The following NEGR1 variants were observed in gnomAD, a reference collection of about 807,000 sequenced individuals.
The protein encoded by NEGR1 is neuronal growth regulator 1.
A neutral mutation model predicts 40.9 loss-of-function variants in NEGR1; 10 were observed. That is an observed-to-expected ratio of 0.24 (90% CI 0.15 to 0.42). NEGR1 has a LOEUF of 0.42. Ranked by LOEUF, NEGR1 falls within the 10% of genes least tolerant of loss-of-function variation. NEGR1 has a pLI of 1.00. For synonymous variants in NEGR1, 185 were observed against 166.8 expected, an observed-to-expected ratio of 1.11 and a Z score of -0.84; for missense variants, 352 against 438.9, an observed-to-expected ratio of 0.80 and a Z score of 1.77.
chr1:71,879,583 A>C (rs548834053), intron 2 of NEGR1, among the ~76,000 whole-genome samples: 22 of 152,312 alleles, frequency 1.4e-4, no homozygotes, highest in South Asian at 6.2e-4. Flanking sequence ...AACTCCCTTG[A>C]TCAAGAGTTT....
intron 6 of NEGR1, among the ~76,000 whole-genome samples, chr1:71,528,253 G>T (rs2101440096): frequency 6.6e-6 from 1 of 151,354 alleles, no homozygotes; most frequent in East Asian, 2.0e-4. Flanking sequence ...AATCCATGAA[G>T]ATTCTGTTCA....
At chr1:71,995,353 G>C (rs1019590395) in intron 1 of NEGR1, among the ~76,000 whole-genome samples, 1 of 151,926 alleles carries the variant, frequency 6.6e-6, no homozygotes, top group Non-Finnish European at 1.5e-5. Flanking sequence ...ATGAAAAAAC[G>C]GTTCTATGTA....
chr1:71,896,749 A>C (rs559260279), intron 2 of NEGR1, among the ~76,000 whole-genome samples: 3 of 152,192 alleles, frequency 2.0e-5, no homozygotes, highest in South Asian at 4.1e-4. Context: ...GTCTGATTTT[A>C]ATTTATTTTT....
intron 6 of NEGR1, among the ~76,000 whole-genome samples, chr1:71,534,434 C>A (rs1647451935): frequency 6.6e-6 from 1 of 151,632 alleles, no homozygotes; most frequent in African/African-American, 2.4e-5. Flanking sequence ...CTGTTCTGGG[C>A]CATGGATCAT....
At chr1:71,515,734 T>C (rs1263811543) in intron 6 of NEGR1, among the ~76,000 whole-genome samples, 2 of 138,576 alleles carry the variant, frequency 1.4e-5, no homozygotes, top group Non-Finnish European at 1.5e-5. Context: ...ATATTAACTT[T>C]AAATGTAAGT....
intron 1 of NEGR1, among the ~76,000 whole-genome samples, chr1:72,246,718 G>T (rs568121863): frequency 1.3e-5 from 2 of 152,268 alleles, no homozygotes; most frequent in East Asian, 3.9e-4. Context: ...CATTCCTACA[G>T]CTCCACTAGG....
chr1:72,215,155 T>C (rs1414221757), intron 1 of NEGR1, among the ~76,000 whole-genome samples: 3 of 152,078 alleles, frequency 2.0e-5, no homozygotes, highest in African/African-American at 7.2e-5. Context: ...GAAAACTGGC[T>C]AGCCATATGC....
chr1:71,941,203 C>G (rs1433313888), intron 1 of NEGR1, among the ~76,000 whole-genome samples: 2 of 152,026 alleles, frequency 1.3e-5, no homozygotes, highest in Admixed American at 6.6e-5. Context: ...TTCAGAACCC[C>G]ATAAAATCTC....
chr1:71,775,183 T>C (rs1051440182), intron 3 of NEGR1, among the ~76,000 whole-genome samples: 1 of 152,160 alleles, frequency 6.6e-6, no homozygotes, highest in East Asian at 1.9e-4. Context: ...ATCAAATAAA[T>C]CTCTTACATA....
chr1:72,229,326 A>G (rs1654284140), intron 1 of NEGR1, among the ~76,000 whole-genome samples: 1 of 149,198 alleles, frequency 6.7e-6, no homozygotes, highest in African/African-American at 2.4e-5. Flanking sequence ...TACAAATTAT[A>G]TTATATTAAA....
At chr1:71,996,018 A>G (rs959536350) in intron 1 of NEGR1, among the ~76,000 whole-genome samples, 1 of 152,158 alleles carries the variant, frequency 6.6e-6, no homozygotes, top group Non-Finnish European at 1.5e-5. Flanking sequence ...CTGAAATTAC[A>G]AAAAGAGGAA....
chr1:71,619,322 C>T (rs1403191008), intron 4 of NEGR1, among the ~76,000 whole-genome samples: 4 of 152,094 alleles, frequency 2.6e-5, no homozygotes, highest in Non-Finnish European at 5.9e-5. Context: ...TACTACTACA[C>T]TCCCTCCATT....
rs555507991 is a variant in NEGR1 at position 71,666,044 on chromosome 1, C to T, written c.667+31964G>A. ...ACAGCCTCTACCTTCAAGAAGTTAACGGTTTAGTCAACTGTCTCATTCCAT... is the reference window on the plus strand; with the variant it reads ...ACAGCCTCTACCTTCAAGAAGTTAATGGTTTAGTCAACTGTCTCATTCCAT... On this transcript the variant is annotated intron_variant, in intron 4 of 6. Transcript: ENST00000357731. Among the ~76,000 whole-genome samples the T allele has an allele frequency of 7.9e-5, 12 of 152,260 alleles. No individual in the cohort carries two copies. The South Asian group carries it at 1.0e-3, about 13-fold the overall frequency.
chr1:71,960,036 C>G (rs1272665905), intron 1 of NEGR1, among the ~76,000 whole-genome samples: 1 of 152,080 alleles, frequency 6.6e-6, no homozygotes, highest in Non-Finnish European at 1.5e-5. Context: ...TCCCTTAGCT[C>G]TCAAATTAAA....
intron 1 of NEGR1, among the ~76,000 whole-genome samples, chr1:72,108,620 T>C (rs1300716047): frequency 1.3e-5 from 2 of 151,642 alleles, no homozygotes; most frequent in East Asian, 1.9e-4. Flanking sequence ...TTTAGAGAAG[T>C]TGCTTTACAG....
At chr1:71,491,656 C>T (rs1049904444) in intron 6 of NEGR1, among the ~76,000 whole-genome samples, 1 of 151,704 alleles carries the variant, frequency 6.6e-6, no homozygotes, top group Non-Finnish European at 1.5e-5. Flanking sequence ...GAATGTCATC[C>T]AACCTTACCG....
intron 1 of NEGR1, among the ~76,000 whole-genome samples, chr1:72,257,188 G>A (rs1253018200): frequency 1.3e-5 from 2 of 151,028 alleles, no homozygotes; most frequent in Non-Finnish European, 3.0e-5. Flanking sequence ...CGGGCGTAGT[G>A]GCGGGCGCCT....
chr1:72,262,379 C>A (rs1402786209), intron 1 of NEGR1, among the ~76,000 whole-genome samples: 2 of 151,974 alleles, frequency 1.3e-5, no homozygotes. Context: ...CAAAAGAAAT[C>A]TAATTGGAAC....
intron 6 of NEGR1, chr1:71,487,918 G>A (rs1646898761): frequency 6.6e-6 from 1 of 151,664 alleles, no homozygotes; most frequent in Non-Finnish European, 1.5e-5. Context: ...TGTTGATCAT[G>A]AGGTAGATAG....
Sources: allele counts gnomAD v4.1 joint callset (sites outside exome capture counted in the v4.1 genomes callset), GRCh38; gene constraint gnomAD v4.1.1; transcripts MANE v1.5; gene names NCBI Gene and HGNC (gene_info 2026-07-23, HGNC 2026-07-21).